The following GPC5 variants were observed in gnomAD, a reference collection of about 807,000 sequenced individuals.
GPC5 encodes glypican-5.
GPC5 carries 47 observed loss-of-function variants against 53.9 expected under a neutral mutation model. The observed-to-expected ratio is 0.87, with a 90% CI of 0.69 to 1.11. GPC5 has a LOEUF of 1.11. Among genes scored for constraint, GPC5 ranks in the 50% most tolerant of loss-of-function variants. The pLI, the probability that GPC5 is intolerant of heterozygous loss-of-function variation, is 0.00. For synonymous variants in GPC5, 286 were observed against 263.3 expected, an observed-to-expected ratio of 1.09 and a Z score of -0.84; for missense variants, 748 against 713.1, an observed-to-expected ratio of 1.05 and a Z score of -0.56.
chr13:92,030,946 C>G (rs1407271604), intron 6 of GPC5, among the ~76,000 whole-genome samples: 1 of 152,178 alleles, frequency 6.6e-6, no homozygotes, highest in East Asian at 1.9e-4. Context: ...CTAATCTGTC[C>G]TGGCCGTGTG....
intron 7 of GPC5, among the ~76,000 whole-genome samples, chr13:92,255,928 A>G (rs558697927): frequency 6.6e-6 from 1 of 152,246 alleles, no homozygotes; most frequent in South Asian, 2.1e-4. Context: ...CTCTAAATGA[A>G]TTTCTTTGTA....
chr13:92,340,575 T>G (rs1188254528), intron 7 of GPC5: 1 of 152,136 alleles, frequency 6.6e-6, no homozygotes, highest in Non-Finnish European at 1.5e-5. Context: ...ATGAAAATAG[T>G]CTTGGATTTT....
intron 7 of GPC5, among the ~76,000 whole-genome samples, chr13:92,225,391 A>G (rs2042477811): frequency 6.6e-6 from 1 of 152,214 alleles, no homozygotes; most frequent in African/African-American, 2.4e-5. Context: ...GTGAAAGTGC[A>G]TATACCACAT....
chr13:92,474,247 G>A (rs1879016942), intron 7 of GPC5, among the ~76,000 whole-genome samples: 1 of 151,772 alleles, frequency 6.6e-6, no homozygotes, highest in Non-Finnish European at 1.5e-5. Flanking sequence ...ATTGACCATG[G>A]TTTAATGAGT....
At chr13:92,350,768 CAT>C (rs1175032049) in intron 7 of GPC5, among the ~76,000 whole-genome samples, 5 of 152,146 alleles carry the variant, frequency 3.3e-5, no homozygotes, top group African/African-American at 1.2e-4. Context: ...TAAATCATCA[CAT>C]GACTTTTTAC....
intron 6 of GPC5, among the ~76,000 whole-genome samples, chr13:92,084,341 G>A (rs910899874): frequency 6.6e-6 from 1 of 151,906 alleles, no homozygotes. Flanking sequence ...ATATCACGTG[G>A]GTCACATCTT....
At chr13:92,333,495 T>C (rs1052762937) in intron 7 of GPC5, among the ~76,000 whole-genome samples, 2 of 152,050 alleles carry the variant, frequency 1.3e-5, no homozygotes, top group African/African-American at 4.8e-5. Context: ...AATACCAATC[T>C]TTGGCCTACT....
chr13:91,984,882 A>G (rs2138723278), intron 6 of GPC5, among the ~76,000 whole-genome samples: 1 of 152,316 alleles, frequency 6.6e-6, no homozygotes, highest in East Asian at 1.9e-4. Flanking sequence ...GATTTGCTTT[A>G]TGGTGTAAAA....
chr13:92,840,090 T>TATATATATATACATATATATATATATAC (rs1566440546), intron 7 of GPC5, among the ~76,000 whole-genome samples: 2 of 47,726 alleles, frequency 4.2e-5, no homozygotes, highest in African/African-American at 1.8e-4. Flanking sequence ...TATATATATA[T>TATATATATATACATATATATATATATAC]ATATATATAT....
intron 7 of GPC5, among the ~76,000 whole-genome samples, chr13:92,614,329 C>T (rs1480921360): frequency 6.6e-6 from 1 of 152,076 alleles, no homozygotes; most frequent in African/African-American, 2.4e-5. Context: ...GTGGTTACTT[C>T]CCAACAAATC....
At chr13:92,011,291 G>A (rs1009593414) in intron 6 of GPC5, among the ~76,000 whole-genome samples, 2 of 152,112 alleles carry the variant, frequency 1.3e-5, no homozygotes, top group African/African-American at 4.8e-5. Context: ...ATATATACTA[G>A]TGTGTGATCA....
At chr13:91,747,641 G>GT (rs3837547) in intron 4 of GPC5, among the ~76,000 whole-genome samples, 16,941 of 149,336 alleles carry the variant, frequency 0.11, 1,402 homozygotes, top group African/African-American at 0.24. Flanking sequence ...GATGTATCTG[G>GT]TTTTTTTTTT....
intron 7 of GPC5, among the ~76,000 whole-genome samples, chr13:92,727,180 C>T (rs1373770867): frequency 6.6e-6 from 1 of 151,424 alleles, no homozygotes; most frequent in Non-Finnish European, 1.5e-5. Flanking sequence ...GATAATGTAG[C>T]TCGGGGTGCT....
intron 7 of GPC5, among the ~76,000 whole-genome samples, chr13:92,624,361 C>T (rs1237255666): frequency 3.3e-5 from 5 of 152,254 alleles, no homozygotes; most frequent in South Asian, 2.1e-4. Context: ...TGAGCCACTG[C>T]GCCCAGCCTG....
intron 2 of GPC5, among the ~76,000 whole-genome samples, chr13:91,678,262 T>C (rs2035428349): frequency 6.6e-6 from 1 of 152,182 alleles, no homozygotes; most frequent in Non-Finnish European, 1.5e-5. Context: ...GGACCATGCT[T>C]AGGATGCGGT....
intron 2 of GPC5, among the ~76,000 whole-genome samples, chr13:91,579,880 C>T (rs774361339): frequency 1.2e-4 from 18 of 151,952 alleles, no homozygotes; most frequent in Non-Finnish European, 2.5e-4. Context: ...CTGCCTCTGC[C>T]TCCCAAAGTG....
intron 2 of GPC5, among the ~76,000 whole-genome samples, chr13:91,516,490 C>T (rs1885505962): frequency 6.6e-6 from 1 of 152,208 alleles, no homozygotes; most frequent in South Asian, 2.1e-4. Context: ...TTTCCATGGT[C>T]TTGGACAGCC....
intron 7 of GPC5, among the ~76,000 whole-genome samples, chr13:92,179,514 C>T (rs1339558410): frequency 6.6e-6 from 1 of 152,202 alleles, no homozygotes; most frequent in African/African-American, 2.4e-5. Context: ...AAGAGTTTGT[C>T]AAAGTAACAA....
intron 2 of GPC5, among the ~76,000 whole-genome samples, chr13:91,458,465 C>A (rs1881707523): frequency 6.6e-6 from 1 of 152,074 alleles, no homozygotes; most frequent in Admixed American, 6.6e-5. Context: ...CACTTCTAAT[C>A]AATGTAGATA....
Sources: allele counts gnomAD v4.1 joint callset (sites outside exome capture counted in the v4.1 genomes callset), GRCh38; gene constraint gnomAD v4.1.1; transcripts MANE v1.5; gene names NCBI Gene and HGNC (gene_info 2026-07-23, HGNC 2026-07-21).